APBA1: variants seen among roughly 807,000 people sequenced by gnomAD.
The protein encoded by APBA1 is amyloid beta precursor protein binding family A member 1, also known as amyloid-beta A4 precursor protein-binding family A member 1.
APBA1 carries 55 observed loss-of-function variants against 86.6 expected under a neutral mutation model. The ratio of observed to expected loss-of-function variants is 0.64; its 90% CI spans 0.51 to 0.80. The LOEUF is 0.80. Among genes scored for constraint, APBA1 ranks in the 30% least tolerant of loss-of-function variants. The pLI, the probability that APBA1 is intolerant of heterozygous loss-of-function variation, is 0.00. For missense variants in APBA1, 1,090 were observed against 1,183.0 expected (o/e 0.92, Z 1.15); for synonymous variants, 511 against 493.9 (o/e 1.03, Z -0.46).
chr9:69,534,730 C>T (rs1390036585), intron 1 of APBA1, among the ~76,000 whole-genome samples: 1 of 152,138 alleles, frequency 6.6e-6, no homozygotes, highest in Non-Finnish European at 1.5e-5. Context: ...ATCCCCTTTT[C>T]ACTGTTTCTG....
intron 1 of APBA1, among the ~76,000 whole-genome samples, chr9:69,622,782 C>T (rs929161696): frequency 1.3e-5 from 2 of 152,130 alleles, no homozygotes; most frequent in Non-Finnish European, 2.9e-5. Flanking sequence ...GAACTAAATT[C>T]CTGTCAAGCT....
intron 1 of APBA1, among the ~76,000 whole-genome samples, chr9:69,555,950 T>G (rs1454542189): frequency 6.6e-6 from 1 of 152,172 alleles, no homozygotes; most frequent in East Asian, 1.9e-4. Context: ...ATGACTCAGG[T>G]GCCTGTTTTA....
At chr9:69,519,595 A>G (rs1204770319) in intron 1 of APBA1, among the ~76,000 whole-genome samples, 2 of 152,242 alleles carry the variant, frequency 1.3e-5, no homozygotes, top group Non-Finnish European at 2.9e-5. Flanking sequence ...AGGGATAGCA[A>G]ACATATCACA....
intron 2 of APBA1, among the ~76,000 whole-genome samples, chr9:69,503,125 C>T (rs1027588562): frequency 1.3e-5 from 2 of 152,034 alleles, no homozygotes; most frequent in Non-Finnish European, 2.9e-5. Context: ...AGAAATTGTG[C>T]ACAAAATGTA....
At chr9:69,439,911 G>A (rs890552852) in intron 11 of APBA1, among the ~76,000 whole-genome samples, 3 of 152,172 alleles carry the variant, frequency 2.0e-5, no homozygotes, top group African/African-American at 7.2e-5. Flanking sequence ...CATCTTTGTG[G>A]TTTTATCTAC....
At chr9:69,460,589 A>G (rs1212834872) in intron 5 of APBA1, 3 of 152,082 alleles carry the variant, frequency 2.0e-5, no homozygotes, top group African/African-American at 4.8e-5. Context: ...CTTCAACTCT[A>G]GGGAACCGAT....
chr9:69,485,956 CTT>C (rs879632826), intron 2 of APBA1, among the ~76,000 whole-genome samples: 2 of 145,844 alleles, frequency 1.4e-5, no homozygotes, highest in Non-Finnish European at 1.5e-5. Context: ...CATTTTAATT[CTT>C]TTTTTTTTTT....
At chr9:69,623,590 T>A (rs1017338292) in intron 1 of APBA1, among the ~76,000 whole-genome samples, 11 of 152,150 alleles carry the variant, frequency 7.2e-5, no homozygotes, top group African/African-American at 2.4e-4. Context: ...GATCTAATTG[T>A]TCTTTACACC....
chr9:69,489,338 A>G (rs1451584151), intron 2 of APBA1, among the ~76,000 whole-genome samples: 1 of 152,100 alleles, frequency 6.6e-6, no homozygotes, highest in Non-Finnish European at 1.5e-5. Context: ...ATCTACAACC[A>G]TCTGATCTTT....
chr9:69,532,032 T>C (rs947523123), intron 1 of APBA1, among the ~76,000 whole-genome samples: 1 of 152,104 alleles, frequency 6.6e-6, no homozygotes, highest in African/African-American at 2.4e-5. Context: ...TGTCAACCCA[T>C]AGATTGCACA....
intron 1 of APBA1, among the ~76,000 whole-genome samples, chr9:69,595,050 ATAT>A (rs1169513204): frequency 6.6e-6 from 1 of 152,186 alleles, no homozygotes; most frequent in African/African-American, 2.4e-5. Flanking sequence ...ACTATTATAA[ATAT>A]TATTAAAAAC....
chr9:69,664,039 C>A (rs560739830), intron 1 of APBA1, among the ~76,000 whole-genome samples: 1 of 152,106 alleles, frequency 6.6e-6, no homozygotes, highest in African/African-American at 2.4e-5. Flanking sequence ...AGAGAGAAAC[C>A]ATGAAAAAAC....
intron 1 of APBA1, among the ~76,000 whole-genome samples, chr9:69,540,292 C>T (rs1181249081): frequency 2.0e-5 from 3 of 152,142 alleles, no homozygotes; most frequent in African/African-American, 4.8e-5. Context: ...CTCTCTCCCC[C>T]ACCATGACTG....
At chr9:69,573,752 C>T (rs1455877358) in intron 1 of APBA1, among the ~76,000 whole-genome samples, 1 of 152,196 alleles carries the variant, frequency 6.6e-6, no homozygotes, top group African/African-American at 2.4e-5. Context: ...TGGTGATGCA[C>T]ACATATTACT....
At chr9:69,560,949 T>A (rs928165413) in intron 1 of APBA1, among the ~76,000 whole-genome samples, 1 of 152,226 alleles carries the variant, frequency 6.6e-6, no homozygotes, top group African/African-American at 2.4e-5. Context: ...ATCAGATTTA[T>A]GTACAAGTTG....
intron 1 of APBA1, among the ~76,000 whole-genome samples, chr9:69,632,761 T>C (rs956544504): frequency 7.2e-5 from 11 of 152,312 alleles, no homozygotes; most frequent in Admixed American, 7.2e-4. Context: ...ACAATCCATA[T>C]TTTAAAGGAA....
intron 2 of APBA1, among the ~76,000 whole-genome samples, chr9:69,496,786 T>G (rs1458557727): frequency 6.6e-6 from 1 of 151,936 alleles, no homozygotes; most frequent in Non-Finnish European, 1.5e-5. Context: ...TTCTCAAGAG[T>G]CCAGACTGAA....
Position 69,494,601 on chromosome 9 carries a change from CTG to C in APBA1, c.1201-18460_1201-18459del, listed in dbSNP as rs1296709765. On this transcript the variant is annotated intron_variant, in intron 2 of 12. Transcript: ENST00000265381. ...CTCTTCCCCCTTTGAAACAGCCTCA[CTG>C]TATTTAAATGAAATGCGCTACAATT... is the stretch of plus-strand genomic sequence containing the variant. 3 of 152,304 alleles carry C rather than the reference CTG, an allele frequency of 2.0e-5. No individual in the cohort carries two copies. In the East Asian group the frequency reaches 5.8e-4, roughly 29 times the overall value. 9.4% of individuals were successfully genotyped at this position (152,304 alleles called of 1,614,324 possible). A position where few individuals can be genotyped will look rare whatever the true frequency, so the allele number is the denominator to read the frequency against.
chr9:69,535,386 T>C (rs1836492900), intron 1 of APBA1, among the ~76,000 whole-genome samples: 1 of 152,206 alleles, frequency 6.6e-6, no homozygotes, highest in Non-Finnish European at 1.5e-5. Flanking sequence ...CTAACCTAAC[T>C]CCTATCCCTT....
Sources: allele counts gnomAD v4.1 joint callset (sites outside exome capture counted in the v4.1 genomes callset), GRCh38; gene constraint gnomAD v4.1.1; transcripts MANE v1.5; gene names NCBI Gene and HGNC (gene_info 2026-07-23, HGNC 2026-07-21).